Variants in TIMM44 observed in about 807,000 individuals in gnomAD.
TIMM44 encodes translocase of inner mitochondrial membrane 44, also known as mitochondrial import inner membrane translocase subunit TIM44.
A neutral mutation model predicts 63.8 loss-of-function variants in TIMM44; 37 were observed. The ratio of observed to expected loss-of-function variants is 0.58; its 90% CI spans 0.45 to 0.76. The LOEUF (loss-of-function observed/expected upper bound fraction) is 0.76, where lower values mean the gene tolerates loss of function less well. Ranked by LOEUF, TIMM44 falls within the 30% of genes least tolerant of loss-of-function variation. The probability of loss-of-function intolerance (pLI) is 0.00; values close to 1 mark genes in which losing one functional copy is unlikely to be tolerated. For missense variants in TIMM44, 573 were observed against 603.8 expected (o/e 0.95, Z 0.54); for synonymous variants, 239 against 245.1 (o/e 0.98, Z 0.23).
intron 10 of TIMM44, chr19:7,928,467 G>A (rs1028687397): frequency 3.5e-5 from 15 of 433,048 alleles, no homozygotes; most frequent in South Asian, 1.1e-4. Flanking sequence ...CTAAGCTGGC[G>A]GCCCCTTGGC....
chr19:7,941,317 T>G (rs1222005058), intron 1 of TIMM44, 120 bp from the exon 2 acceptor site: 2 of 733,258 alleles, frequency 2.7e-6, no homozygotes, highest in Non-Finnish European at 2.4e-6. Flanking sequence ...TTTTTTTTTT[T>G]GAGACGGAGT....
chr19:7,941,591 C>G (rs1308365243), intron 1 of TIMM44, among the ~76,000 whole-genome samples: 1 of 151,878 alleles, frequency 6.6e-6, no homozygotes, highest in African/African-American at 2.4e-5. Flanking sequence ...CACCTGGCCT[C>G]ACTGGCCAAT....
chr19:7,939,481 T>C (rs1285119709), intron 2 of TIMM44, among the ~76,000 whole-genome samples: 2 of 151,378 alleles, frequency 1.3e-5, no homozygotes, highest in South Asian at 2.1e-4. Context: ...GGCGTGGTGG[T>C]GGGTGCCTGT....
At chr19:7,936,969 G>A (rs891133591) in intron 3 of TIMM44, among the ~76,000 whole-genome samples, 4 of 152,008 alleles carry the variant, frequency 2.6e-5, no homozygotes, top group Non-Finnish European at 5.9e-5. Context: ...GGCAGTAGTG[G>A]TGTGTGTCTG....
At chr19:7,927,857 G>T (rs1713150259) in intron 11 of TIMM44, 90 bp from the exon 12 acceptor site, 7 of 1,379,322 alleles carry the variant, frequency 5.1e-6, no homozygotes, top group Non-Finnish European at 7.1e-6. Context: ...GCCCTGCTAG[G>T]AGAAGGCTCC....
rs1481731065 is a variant in TIMM44 at position 7,933,931 on chromosome 19, G to C, written c.616C>G (p.Arg206Gly). The change falls in exon 6 of 13, where the codon CGA becomes GGA. Residue 206 changes from arginine to glycine, a missense_variant. By Grantham distance (125) the Arg-to-Gly change is moderately radical. Transcript: ENST00000270538. This position sits in a 1 kb window ranked among gnomAD's most constrained non-coding sequence, Gnocchi z 4.3. ...GCAAACTCCGTTCTCTTCCGGAGTC[G>C]CTGGGGCCTCCGGTAGGGCCCGGTC... The part of the protein sequence containing the change: ...GQTGPYRRPQ[R>G]LRKRTEFAGD... The C allele has an allele frequency of 6.2e-7, 1 of 1,613,978 alleles. No homozygotes were observed. Among genetic ancestry groups the C allele is most frequent in the Non-Finnish European group, 8.5e-7 (1 of 1,180,012 alleles).
chr19:7,927,423 G>T, intron 12 of TIMM44, 117 bp from the exon 13 acceptor site: 1 of 1,288,700 alleles, frequency 7.8e-7, no homozygotes, highest in Non-Finnish European at 1.1e-6. Context: ...GGGGCTGGGA[G>T]CAGAGGCCAG....
chr19:7,928,266 C>T (rs1206045658), intron 10 of TIMM44, 100 bp from the exon 11 acceptor site: 20 of 1,033,454 alleles, frequency 1.9e-5, no homozygotes, highest in South Asian at 1.0e-4. Context: ...GGTGCCCTGC[C>T]GCCAGCCAGC....
chr19:7,933,763 A>C lies in TIMM44; in HGVS notation c.683+101T>G. On this transcript the variant is annotated intron_variant, in intron 6 of 12. Coordinates refer to ENST00000270538, the MANE Select transcript of TIMM44 (RefSeq NM_006351.4). This position sits in a 1 kb window ranked among gnomAD's most constrained non-coding sequence, Gnocchi z 4.3. ...GGAACCTTGGGCAGAAGGCAAACTC[A>C]AGAAACGGACTCAGGAGGGAACCAT... 2 of 1,567,912 alleles carry C rather than the reference A, an allele frequency of 1.3e-6. No homozygotes were observed. Among genetic ancestry groups the C allele is most frequent in the Non-Finnish European group, 1.7e-6 (2 of 1,145,026 alleles).
At chr19:7,938,880 A>C (rs1364306417) in intron 2 of TIMM44, among the ~76,000 whole-genome samples, 8 of 152,156 alleles carry the variant, frequency 5.3e-5, no homozygotes, top group Non-Finnish European at 1.2e-4. Flanking sequence ...ACACAGAGGA[A>C]CCTTAAATGT....
At chr19:7,936,000 A>C (rs898955641) in intron 3 of TIMM44, among the ~76,000 whole-genome samples, 1 of 152,166 alleles carries the variant, frequency 6.6e-6, no homozygotes, top group African/African-American at 2.4e-5. Flanking sequence ...AGAAATATAA[A>C]AAAATTAGCC....
chr19:7,931,077 T>G (rs1329542782), intron 10 of TIMM44, 61 bp downstream of exon 10: 2 of 1,545,862 alleles, frequency 1.3e-6, no homozygotes, highest in African/African-American at 2.8e-5. Context: ...GAAGTGGAAC[T>G]TCTCCATGGT....
Position 7,943,196 on chromosome 19 carries a change from C to A in TIMM44, c.45+411G>T, listed in dbSNP as rs966945034. On this transcript the variant is annotated intron_variant, in intron 1 of 12. Transcript: ENST00000270538. The surrounding 1 kb of genome is among the most constrained non-coding windows in gnomAD (Gnocchi z 4.3). Reference sequence around the variant, plus strand: ...CCACCTCTCGCACATCCACAATGAACGTTAGAAGAAACGAGACAAGAAATG... The same window carrying A: ...CCACCTCTCGCACATCCACAATGAAAGTTAGAAGAAACGAGACAAGAAATG... Among the ~76,000 whole-genome samples the A allele has an allele frequency of 2.0e-5, 3 of 152,140 alleles. No homozygotes were observed. The highest frequency in any genetic ancestry group is 2.0e-4 in the Admixed American group (3 of 15,274).
Position 7,933,618 on chromosome 19 carries a change from CCT to C in TIMM44, c.684-50_684-49del, listed in dbSNP as rs776661279. The C allele has an allele frequency of 2.6e-6, 4 of 1,521,496 alleles. No homozygotes were observed. The highest frequency in any genetic ancestry group is 1.8e-6 in the Non-Finnish European group (2 of 1,096,182). The allele number at this position is 1,521,496 out of a possible 1,614,324, so 94.2% of individuals were successfully genotyped here. On this transcript the variant is annotated intron_variant, in intron 6 of 12. Coordinates refer to ENST00000270538, the MANE Select transcript of TIMM44 (RefSeq NM_006351.4). The surrounding 1 kb of genome is among the most constrained non-coding windows in gnomAD (Gnocchi z 4.3). ...GGGTGAGCGGCGGCGCCAGGGCCAC[CCT>C]GTGCCCTCCTGCGGCTGCAGGCAGG...
Position 7,927,609 on chromosome 19 carries a change from G to C in TIMM44, c.1239+48C>G. Reference sequence around the variant, plus strand: ...TGCCAGGTGGCCACACACAGATCTTGGGGACAGGCGGTGTCATGTGCCTGC... The same window carrying C: ...TGCCAGGTGGCCACACACAGATCTTCGGGACAGGCGGTGTCATGTGCCTGC... On this transcript the variant is annotated intron_variant, in intron 12 of 12. Transcript: ENST00000270538. 2.6e-6 allele frequency: 4 copies of C among 1,557,144 alleles called. No homozygotes were observed. In the South Asian group the frequency reaches 3.3e-5, roughly 13 times the overall value.
At chr19:7,935,234 C>T (rs928296841) in intron 3 of TIMM44, 89 bp from the exon 4 acceptor site, 5 of 1,170,506 alleles carry the variant, frequency 4.3e-6, no homozygotes, top group Admixed American at 2.1e-5. Flanking sequence ...GGCACGCTCT[C>T]GGCTCACTGC....
intron 12 of TIMM44, 105 bp downstream of exon 12, chr19:7,927,551 TC>T: frequency 1.6e-6 from 2 of 1,242,962 alleles, no homozygotes; most frequent in Non-Finnish European, 2.3e-6. Context: ...CCCCACCCAG[TC>T]CCAGAGCTTC....
In TIMM44 at chr19:7,933,671, G is replaced by C; in HGVS notation, c.684-101C>G. 1.5e-6 allele frequency: 2 copies of C among 1,316,210 alleles called. No homozygotes were observed. The highest frequency in any genetic ancestry group is 2.4e-5 in the South Asian group (2 of 84,532). 81.5% of individuals were successfully genotyped at this position (1,316,210 alleles called of 1,614,324 possible). A position where few individuals can be genotyped will look rare whatever the true frequency, so the allele number is the denominator to read the frequency against. ...GGGCAGTACAGGACAGCAGGCAGCT[G>C]AGACCTCAAACCTAGGGGCTCTGAG... On this transcript the variant is annotated intron_variant, in intron 6 of 12. Transcript: ENST00000270538. The surrounding 1 kb of genome is among the most constrained non-coding windows in gnomAD (Gnocchi z 4.3).
Position 7,933,171 on chromosome 19 carries a change from G to C in TIMM44, c.770-239C>G, listed in dbSNP as rs1262658992. ...GCCCTAATGGGGCTGTGTAAGTTAT[G>C]GGCCGCCACCCCACTGGCTGTTGCT... On this transcript the variant is annotated intron_variant, in intron 7 of 12. Transcript: ENST00000270538. The surrounding 1 kb of genome is among the most constrained non-coding windows in gnomAD (Gnocchi z 4.3). Among the ~76,000 whole-genome samples, 1 of 152,170 alleles carries C rather than the reference G, an allele frequency of 6.6e-6. No individual in the cohort carries two copies. The highest frequency in any genetic ancestry group is 6.5e-5 in the Admixed American group (1 of 15,280).
Sources: gnomAD v4.1 joint callset for allele counts (sites outside exome capture counted in the v4.1 genomes callset) on GRCh38, gnomAD v4.1.1 for gene constraint, Gnocchi (gnomAD v3.1) non-coding constraint, MANE v1.5 for transcripts, NCBI Gene and HGNC (gene_info 2026-07-23, HGNC 2026-07-21) for gene names.